SNAPC4: variants seen among roughly 807,000 people sequenced by gnomAD.
SNAPC4 encodes the protein snRNA-activating protein complex subunit 4.
SNAPC4 carries 127 observed loss-of-function variants against 151.3 expected under a neutral mutation model. The ratio of observed to expected loss-of-function variants is 0.84; its 90% CI spans 0.73 to 0.97. The LOEUF (loss-of-function observed/expected upper bound fraction) is 0.97. Among genes scored for constraint, SNAPC4 ranks in the 50% least tolerant of loss-of-function variants. The pLI is 0.00. For synonymous variants in SNAPC4, 1,002 were observed against 824.4 expected (o/e 1.22, Z -3.69); for missense variants, 2,186 against 1,935.0 (o/e 1.13, Z -2.43).
At position 136,392,706 on chromosome 9, in the gene SNAPC4, C is replaced by G; in HGVS notation, c.704G>C (p.Gly235Ala). The G allele has an allele frequency of 1.2e-6, 2 of 1,613,762 alleles. No homozygotes were observed. Among genetic ancestry groups the G allele is most frequent in the Non-Finnish European group, 1.7e-6 (2 of 1,180,014 alleles). Reference protein sequence around the residue: ...ELERQALEKQGREAEKEIQDI... With the variant: ...ELERQALEKQAREAEKEIQDI... ...CTGGATCTCCTTCTCGGCTTCCCTG[C>G]CCTGCTTCTCCAGGGCTTGCCTCTC... Residue 235 changes from glycine (G) to alanine (A), a missense_variant, in exon 8 of 24, where the codon GGC becomes GCC. Coordinates refer to ENST00000684778, the MANE Select transcript of SNAPC4 (RefSeq NM_003086.4).
At position 136,383,989 on chromosome 9, in the gene SNAPC4, G is replaced by A. The variant is rs750186845; in HGVS notation, c.1464C>T (p.Gly488=). 14 of 1,613,762 alleles carry A rather than the reference G, an allele frequency of 8.7e-6. No individual in the cohort carries two copies. Among genetic ancestry groups the A allele is most frequent in the African/African-American group, 1.3e-5 (1 of 74,896 alleles). Residue 488 remains glycine, a synonymous_variant, in exon 15 of 24, where the codon GGC becomes GGT. Coordinates refer to ENST00000684778, the MANE Select transcript of SNAPC4 (RefSeq NM_003086.4). The surrounding 1 kb of genome is among the most constrained non-coding windows in gnomAD (Gnocchi z 4.2). The part of the protein sequence containing the change: ...KIASELPHRS[G]SQCLSKWKIM... ...TCTTCCACTTGCTCAGACACTGGGA[G>A]CCAGACCGATGGGGCAGCTCAGAAG...
Position 136,381,402 on chromosome 9 carries a change from CA to C in SNAPC4, c.2318-11del. On this transcript the variant is annotated splice_polypyrimidine_tract_variant and intron_variant, in intron 18 of 23. Transcript: ENST00000684778. The stretch of plus-strand genomic sequence containing the variant: ...TCCCTGAGGCCATCCGCTGCGGGCA[CA>C]GGGGGATAAGTGGAAAGCAGCCCCA... The C allele has an allele frequency of 6.2e-7, 1 of 1,611,462 alleles. No individual in the cohort carries two copies. Among genetic ancestry groups the C allele is most frequent in the Non-Finnish European group, 8.5e-7 (1 of 1,178,760 alleles).
intron 23 of SNAPC4, among the ~76,000 whole-genome samples, 158 bp downstream of exon 23, chr9:136,376,191 T>TC (rs1833438024): frequency 6.6e-6 from 1 of 151,998 alleles, no homozygotes; most frequent in Non-Finnish European, 1.5e-5. Context: ...TAAATGCTTC[T>TC]CCCCCTGGAG....
chr9:136,381,220 A>T, intron 19 of SNAPC4, 102 bp downstream of exon 19: 1 of 924,042 alleles, frequency 1.1e-6, no homozygotes, highest in Non-Finnish European at 1.7e-6. Flanking sequence ...AGAAAACTTT[A>T]GATAGCTAGA....
At chr9:136,397,350 G>A (rs947006717) in intron 2 of SNAPC4, among the ~76,000 whole-genome samples, 2 of 151,832 alleles carry the variant, frequency 1.3e-5, no homozygotes, top group Admixed American at 6.6e-5. Context: ...TCTCCTTCAG[G>A]AGCTTAGCCG....
chr9:136,387,271 G>C (rs1474902506), intron 13 of SNAPC4, among the ~76,000 whole-genome samples: 1 of 151,498 alleles, frequency 6.6e-6, no homozygotes, highest in Non-Finnish European at 1.5e-5. Flanking sequence ...CAGCAATACA[G>C]AAGTCAGGCT....
At chr9:136,399,244 G>C (rs1019114757) in intron 1 of SNAPC4, among the ~76,000 whole-genome samples, 1 of 152,228 alleles carries the variant, frequency 6.6e-6, no homozygotes, top group African/African-American at 2.4e-5. Flanking sequence ...CCCTGCTGGA[G>C]GCTGACTGGG....
In SNAPC4 at chr9:136,378,834, C is replaced by G. The variant is rs749902567; in HGVS notation, c.2993G>C (p.Gly998Ala). 4 of 1,602,442 alleles carry G rather than the reference C, an allele frequency of 2.5e-6. No individual in the cohort carries two copies. The South Asian group carries it at 4.5e-5, about 18-fold the overall frequency. The stretch of plus-strand genomic sequence containing the variant: ...GGCTTGGGAAGCAGCAGGGGCTGTG[C>G]CCTCGGCCTCTGAGAAGACAGGAGC... The part of the protein sequence containing the change: ...PLAPVFSEAE[G>A]TAPAASQAPA... Residue 998 changes from glycine to alanine, a missense_variant, in exon 22 of 24, where the codon GGC becomes GCC. Coordinates refer to ENST00000684778, the MANE Select transcript of SNAPC4 (RefSeq NM_003086.4).
At position 136,395,138 on chromosome 9, in the gene SNAPC4, A is replaced by G. The variant is rs1408444305; in HGVS notation, c.471+160T>C. Among the ~76,000 whole-genome samples, 7 of 152,246 alleles carry G rather than the reference A, an allele frequency of 4.6e-5. No homozygotes were observed. In the East Asian group the frequency reaches 1.3e-3, roughly 29 times the overall value. ...GTCCTGGCAGCCCAGCGCAGAGCAG[A>G]GGGCAGCTTGCCCACCACGGAGGAG... On this transcript the variant is annotated intron_variant, in intron 5 of 23. Transcript: ENST00000684778.
Position 136,383,273 on chromosome 9 carries a change from G to C in SNAPC4, c.1896C>G (p.Ala632=), listed in dbSNP as rs780289851. The C allele has an allele frequency of 1.2e-6, 2 of 1,611,602 alleles. No homozygotes were observed. The highest frequency in any genetic ancestry group is 1.7e-6 in the Non-Finnish European group (2 of 1,179,410). Residue 632 remains alanine, a synonymous_variant, in exon 16 of 24, where the codon GCC becomes GCG. Coordinates refer to ENST00000684778, the MANE Select transcript of SNAPC4 (RefSeq NM_003086.4). This position sits in a 1 kb window ranked among gnomAD's most constrained non-coding sequence, Gnocchi z 4.2. ...GEETSPVQVP[A]RAHGPVPRSA... is the part of the protein sequence containing the mutation. Reference sequence around the variant, plus strand: ...ACCTCGGGACAGGGCCGTGGGCCCTGGCAGGGACCTGCACCGGACTCGTCT... The same window carrying C: ...ACCTCGGGACAGGGCCGTGGGCCCTCGCAGGGACCTGCACCGGACTCGTCT...
At chr9:136,382,690 T>C (rs1833743082) in intron 16 of SNAPC4, among the ~76,000 whole-genome samples, 1 of 152,216 alleles carries the variant, frequency 6.6e-6, no homozygotes, top group Non-Finnish European at 1.5e-5. Flanking sequence ...CCACTGTCCC[T>C]GCCAATGACT....
intron 13 of SNAPC4, among the ~76,000 whole-genome samples, chr9:136,385,071 A>G (rs1013196286): frequency 6.6e-6 from 1 of 152,238 alleles, no homozygotes; most frequent in African/African-American, 2.4e-5. Flanking sequence ...TCTGAAACAT[A>G]TGAAGAACTC....
At chr9:136,389,413 C>T (rs550786128) in intron 10 of SNAPC4, among the ~76,000 whole-genome samples, 5 of 152,246 alleles carry the variant, frequency 3.3e-5, no homozygotes, top group South Asian at 4.2e-4. Flanking sequence ...GCAGAGGGCA[C>T]GCAGAGCTGG....
At chr9:136,380,459 C>T (rs953886017) in intron 20 of SNAPC4, among the ~76,000 whole-genome samples, 15 of 152,222 alleles carry the variant, frequency 9.9e-5, no homozygotes, top group African/African-American at 3.4e-4. Context: ...AGCAGAAAGG[C>T]AAGAACCAGG....
intron 5 of SNAPC4, 26 bp from the exon 6 acceptor site, chr9:136,394,904 A>T: frequency 6.2e-7 from 1 of 1,606,312 alleles, no homozygotes; most frequent in South Asian, 1.1e-5. Flanking sequence ...GCATCACCAC[A>T]AGCACAGGCC....
chr9:136,386,160 T>TA (rs1588752856), intron 13 of SNAPC4, among the ~76,000 whole-genome samples: 1 of 151,732 alleles, frequency 6.6e-6, no homozygotes, highest in East Asian at 1.9e-4. Flanking sequence ...TTTTTTTTTT[T>TA]AATTAACAGC....
chr9:136,388,485 A>C lies in SNAPC4; in HGVS notation c.1082T>G (p.Val361Gly). 1 of 1,611,980 alleles carries C rather than the reference A, an allele frequency of 6.2e-7. No individual in the cohort carries two copies. Among genetic ancestry groups the C allele is most frequent in the South Asian group, 1.1e-5 (1 of 90,746 alleles). The change falls in exon 11 of 24, where the codon GTG becomes GGG. Residue 361 changes from valine (V) to glycine (G), a missense_variant. Physicochemically the swap from Val to Gly is moderately radical, Grantham distance 109. Transcript: ENST00000684778. ...EEEDRMLTQLVQEMRVGSHIP... is the reference protein window; with the variant it reads ...EEEDRMLTQLGQEMRVGSHIP... Reference sequence around the variant, plus strand: ...GTGGCTGCCGACGCGCATCTCCTGCACCAGCTGCGTGAGCATGCGGTCCTC... The same window carrying C: ...GTGGCTGCCGACGCGCATCTCCTGCCCCAGCTGCGTGAGCATGCGGTCCTC...
At chr9:136,377,475 C>A in intron 22 of SNAPC4, 68 bp downstream of exon 22, 1 of 1,484,684 alleles carries the variant, frequency 6.7e-7, no homozygotes, top group East Asian at 2.3e-5. Flanking sequence ...CCCACTGCTC[C>A]AGGCAGGCGA....
intron 10 of SNAPC4, among the ~76,000 whole-genome samples, chr9:136,391,315 C>T (rs1270619960): frequency 6.6e-6 from 1 of 152,112 alleles, no homozygotes; most frequent in Non-Finnish European, 1.5e-5. Context: ...ATACATCTCG[C>T]CCCTAGTTCA....
Sources: gnomAD v4.1 joint callset for allele counts (sites outside exome capture counted in the v4.1 genomes callset) on GRCh38, gnomAD v4.1.1 for gene constraint, Gnocchi (gnomAD v3.1) non-coding constraint, MANE v1.5 for transcripts, NCBI Gene and HGNC (gene_info 2026-07-23, HGNC 2026-07-21) for gene names.